GPR15LG: variants seen among roughly 807,000 people sequenced by gnomAD.
GPR15LG encodes the protein G protein-coupled receptor 15 ligand.
chr10:84,176,537 G>A, the GPR15LG span: 65 of 1,613,802 alleles, frequency 4.0e-5, no homozygotes, highest in Non-Finnish European at 5.0e-5. Flanking sequence ...TGCTGCCACC[G>A]AGTCCCTAGC....
At chr10:84,174,487 C>CTTTTTCTTTTTTT in the GPR15LG span, among the ~76,000 whole-genome samples, 4 of 108,854 alleles carry the variant, frequency 3.7e-5, no homozygotes, top group Non-Finnish European at 5.9e-5. Context: ...GCCCTTTTTT[C>CTTTTTCTTTTTTT]TTTTTTCTTT....
At chr10:84,175,516 C>T in the GPR15LG span, among the ~76,000 whole-genome samples, 17,073 of 152,130 alleles carry the variant, frequency 0.11, 984 homozygotes, top group East Asian at 0.19. Flanking sequence ...TGTGCTTTTC[C>T]TTTTTTGAAG....
chr10:84,173,997 A>C, the GPR15LG span: 1 of 1,192,850 alleles, frequency 8.4e-7, no homozygotes, highest in Non-Finnish European at 1.2e-6. Context: ...GATTTGTTGG[A>C]GGGCAGGCCT....
At chr10:84,173,943 A>G in the GPR15LG span, 1 of 1,563,180 alleles carries the variant, frequency 6.4e-7, no homozygotes, top group African/African-American at 1.4e-5. Flanking sequence ...CCCAGGGTGC[A>G]GATCCCTGAG....
At chr10:84,174,001 C>T in the GPR15LG span, 51 of 1,153,032 alleles carry the variant, frequency 4.4e-5, no homozygotes, top group Non-Finnish European at 6.2e-5. Flanking sequence ...TGTTGGAGGG[C>T]AGGCCTTGGC....
At chr10:84,182,628 G>A in the GPR15LG span, among the ~76,000 whole-genome samples, 13 of 152,214 alleles carry the variant, frequency 8.5e-5, no homozygotes, top group Non-Finnish European at 1.8e-4. Flanking sequence ...ATGGAAACAC[G>A]TAAGGCCTCT....
the GPR15LG span, among the ~76,000 whole-genome samples, chr10:84,176,224 A>T: frequency 6.6e-6 from 1 of 152,176 alleles, no homozygotes; most frequent in African/African-American, 2.4e-5. Context: ...CCAAGGGGAG[A>T]ATTATTATGT....
chr10:84,184,601 CCTCT>C, the GPR15LG span: 1 of 1,365,004 alleles, frequency 7.3e-7, no homozygotes, highest in Non-Finnish European at 1.0e-6. Context: ...ATTGTGTTTT[CCTCT>C]CTCTCCCCAC....
At chr10:84,184,621 G>A in the GPR15LG span, 1 of 1,541,312 alleles carries the variant, frequency 6.5e-7, no homozygotes, top group African/African-American at 1.4e-5. Flanking sequence ...CCCACAACCT[G>A]GCTCTGACCT....
the GPR15LG span, chr10:84,173,934 C>G: frequency 6.3e-7 from 1 of 1,595,186 alleles, no homozygotes; most frequent in East Asian, 2.2e-5. Flanking sequence ...AGGGCAGCCC[C>G]CAGGGTGCAG....
chr10:84,177,135 G>A, the GPR15LG span, among the ~76,000 whole-genome samples: 1 of 152,214 alleles, frequency 6.6e-6, no homozygotes, highest in Non-Finnish European at 1.5e-5. Context: ...GATGCCAGCA[G>A]GCAGCATCCA....
the GPR15LG span, among the ~76,000 whole-genome samples, chr10:84,174,438 A>G: frequency 6.6e-6 from 1 of 150,758 alleles, no homozygotes; most frequent in Non-Finnish European, 1.5e-5. Context: ...AGGGGACACC[A>G]TCTTTTTACC....
chr10:84,174,488 T>A, the GPR15LG span, among the ~76,000 whole-genome samples: 12 of 110,944 alleles, frequency 1.1e-4, no homozygotes, highest in African/African-American at 3.8e-4. Context: ...CCCTTTTTTC[T>A]TTTTTCTTTT....
the GPR15LG span, among the ~76,000 whole-genome samples, chr10:84,180,416 G>A: frequency 1.5e-4 from 23 of 151,972 alleles, no homozygotes; most frequent in African/African-American, 5.6e-4. Context: ...ACGGGGTGGC[G>A]GCCGGGCAGA....
the GPR15LG span, among the ~76,000 whole-genome samples, chr10:84,182,480 T>A: frequency 6.6e-6 from 1 of 152,140 alleles, no homozygotes; most frequent in Admixed American, 6.5e-5. Context: ...TTGGCTGGGG[T>A]CTCTCATATT....
the GPR15LG span, chr10:84,184,970 G>A: frequency 7.1e-7 from 1 of 1,416,308 alleles, no homozygotes; most frequent in Non-Finnish European, 9.2e-7. Flanking sequence ...GAGCTATCAT[G>A]AGCCAACCTC....
At chr10:84,178,034 C>A in the GPR15LG span, among the ~76,000 whole-genome samples, 1 of 151,722 alleles carries the variant, frequency 6.6e-6, no homozygotes, top group Non-Finnish European at 1.5e-5. Flanking sequence ...CAAATACATG[C>A]GCACACAGAC....
At chr10:84,176,634 C>T in the GPR15LG span, 1 of 1,157,330 alleles carries the variant, frequency 8.6e-7, no homozygotes, top group Non-Finnish European at 1.3e-6. Flanking sequence ...GGACCAGCCA[C>T]ACACACTGAT....
the GPR15LG span, among the ~76,000 whole-genome samples, chr10:84,175,935 C>T: frequency 1.3e-5 from 2 of 151,908 alleles, no homozygotes; most frequent in East Asian, 3.9e-4. Context: ...GTTGTCCAGG[C>T]TGGAGTGTAA....
Sources: allele counts gnomAD v4.1 joint callset (sites outside exome capture counted in the v4.1 genomes callset), GRCh38; gene constraint gnomAD v4.1.1; transcripts MANE v1.5; gene names NCBI Gene and HGNC (gene_info 2026-07-23, HGNC 2026-07-21).